Variants in ANXA8 observed in about 807,000 individuals in gnomAD.
ANXA8 encodes annexin A8, also known as VAC-beta.
Under a neutral mutation model 26.8 loss-of-function variants are expected in ANXA8, and 9 were observed. The ratio of observed to expected loss-of-function variants is 0.34; its 90% confidence interval spans 0.20 to 0.59. ANXA8 has a LOEUF of 0.59. Among genes scored for constraint, ANXA8 ranks in the 20% least tolerant of loss-of-function variants. The probability of loss-of-function intolerance (pLI) is 0.84; values close to 1 mark genes in which losing one functional copy is unlikely to be tolerated. For missense variants in ANXA8, 83 were observed against 238.5 expected (o/e 0.35, Z 4.29); for synonymous variants, 39 against 94.8 (o/e 0.41, Z 3.42).
the ANXA8 span, among the ~76,000 whole-genome samples, chr10:47,533,185 TCACACACA>T: frequency 1.5e-4 from 15 of 102,464 alleles, no homozygotes; most frequent in African/African-American, 4.0e-4. Context: ...TAAACACACA[TCACACACA>T]CACACACACA....
the ANXA8 span, among the ~76,000 whole-genome samples, chr10:47,654,343 A>T: frequency 6.9e-6 from 1 of 145,076 alleles, no homozygotes; most frequent in South Asian, 2.1e-4. Flanking sequence ...GCTAGTGATA[A>T]AAATTTCGTC....
chr10:47,976,528 A>G, the ANXA8 span, among the ~76,000 whole-genome samples: 1 of 140,108 alleles, frequency 7.1e-6, no homozygotes, highest in African/African-American at 2.6e-5. Context: ...GACAACACAG[A>G]GACAACCTCT....
chr10:47,950,669 G>A, the ANXA8 span, among the ~76,000 whole-genome samples: 105 of 150,618 alleles, frequency 7.0e-4, 4 homozygotes, highest in South Asian at 4.6e-3. Context: ...GAAGTTAATA[G>A]CAGAAGGATA....
At chr10:47,559,788 C>A in the ANXA8 span, among the ~76,000 whole-genome samples, 1 of 151,862 alleles carries the variant, frequency 6.6e-6, no homozygotes. Flanking sequence ...TCACTTCTAT[C>A]CCCTCCTTGT....
chr10:47,556,491 T>C, the ANXA8 span, among the ~76,000 whole-genome samples: 1 of 151,906 alleles, frequency 6.6e-6, no homozygotes, highest in African/African-American at 2.4e-5. Flanking sequence ...TTACTGTTAA[T>C]CAAGATCAGA....
the ANXA8 span, among the ~76,000 whole-genome samples, chr10:47,617,689 T>C: frequency 3.4e-5 from 5 of 148,840 alleles, no homozygotes; most frequent in East Asian, 9.7e-4. Context: ...CCCATTAAGA[T>C]CTTCACTGAG....
chr10:47,502,436 A>C, the ANXA8 span: 3 of 1,571,346 alleles, frequency 1.9e-6, no homozygotes, highest in South Asian at 2.2e-5. Context: ...CGGATCCACC[A>C]TTCCTTCTCT....
chr10:47,525,474 G>A, the ANXA8 span, among the ~76,000 whole-genome samples: 1 of 138,438 alleles, frequency 7.2e-6, no homozygotes, highest in Non-Finnish European at 1.5e-5. Flanking sequence ...AGAACAGCAT[G>A]AGGATAACTG....
the ANXA8 span, among the ~76,000 whole-genome samples, chr10:47,548,884 C>G: frequency 6.6e-6 from 1 of 152,240 alleles, no homozygotes; most frequent in South Asian, 2.1e-4. Flanking sequence ...TAGATAATAC[C>G]TACTCACCTC....
chr10:47,733,170 T>A, the ANXA8 span, among the ~76,000 whole-genome samples: 1 of 102,024 alleles, frequency 9.8e-6, no homozygotes, highest in Non-Finnish European at 2.3e-5. Context: ...TCTTTCTTTC[T>A]TTCTTTCTTT....
At chr10:47,576,676 A>G in the ANXA8 span, among the ~76,000 whole-genome samples, 1 of 150,702 alleles carries the variant, frequency 6.6e-6, no homozygotes, top group Non-Finnish European at 1.5e-5. Flanking sequence ...ACCACCACTA[A>G]GCACAGCTAA....
the ANXA8 span, among the ~76,000 whole-genome samples, chr10:47,653,594 T>A: frequency 6.7e-6 from 1 of 150,310 alleles, no homozygotes; most frequent in Non-Finnish European, 1.5e-5. Flanking sequence ...GAGAGTTGAG[T>A]AAATGAAGCT....
the ANXA8 span, among the ~76,000 whole-genome samples, chr10:47,489,890 A>C: frequency 5.4e-5 from 8 of 149,044 alleles, no homozygotes; most frequent in East Asian, 1.6e-3. Context: ...GGACAGACTG[A>C]CTCATGAGAA....
the ANXA8 span, among the ~76,000 whole-genome samples, chr10:47,749,170 GC>G: frequency 1.1e-5 from 1 of 90,516 alleles, no homozygotes. Context: ...GGAGGTTGAG[GC>G]TACAGTGAAC....
chr10:47,682,652 G>T, the ANXA8 span, among the ~76,000 whole-genome samples: 1 of 151,438 alleles, frequency 6.6e-6, no homozygotes, highest in African/African-American at 2.4e-5. Flanking sequence ...TGTGTTTTTA[G>T]TAGAGACGGG....
chr10:47,544,161 C>T, the ANXA8 span, among the ~76,000 whole-genome samples: 7 of 151,758 alleles, frequency 4.6e-5, no homozygotes, highest in Admixed American at 6.6e-5. Context: ...CATCCTGTAG[C>T]CTTAAATGCT....
At chr10:47,573,356 C>T in the ANXA8 span, among the ~76,000 whole-genome samples, 1 of 149,906 alleles carries the variant, frequency 6.7e-6, no homozygotes, top group East Asian at 2.0e-4. Flanking sequence ...GTATCAAATT[C>T]CTGGGCTCGA....
chr10:47,484,128 G>A (rs1239155713), upstream of ANXA8: 9 of 1,409,528 alleles, frequency 6.4e-6, no homozygotes, highest in Admixed American at 1.1e-4. Context: ...CTGGCTTTGG[G>A]CATCTCCTGT....
chr10:47,881,696 C>CAT, the ANXA8 span, among the ~76,000 whole-genome samples: 6 of 64,810 alleles, frequency 9.3e-5, no homozygotes, highest in African/African-American at 2.0e-4. Flanking sequence ...TGTGAGCATG[C>CAT]GTGTGTGTGT....
Sources: allele counts gnomAD v4.1 joint callset (sites outside exome capture counted in the v4.1 genomes callset), GRCh38; gene constraint gnomAD v4.1.1; transcripts MANE v1.5; gene names NCBI Gene and HGNC (gene_info 2026-07-23, HGNC 2026-07-21).